Variants in SENP7 observed in about 807,000 individuals in gnomAD.
The protein encoded by SENP7 is SUMO specific peptidase 7, also known as sentrin-specific protease 7.
SENP7 carries 64 observed loss-of-function variants against 141.2 expected under a neutral mutation model. The ratio of observed to expected loss-of-function variants is 0.45; its 90% CI spans 0.37 to 0.56. SENP7 has a LOEUF of 0.56. Among genes scored for constraint, SENP7 ranks in the 20% least tolerant of loss-of-function variants. The pLI is 0.00. For missense variants in SENP7, 1,025 were observed against 1,212.2 expected (o/e 0.85, Z 2.29); for synonymous variants, 382 against 426.4 (o/e 0.90, Z 1.28).
At chr3:101,489,065 T>A (rs1415878996) in intron 3 of SENP7, among the ~76,000 whole-genome samples, 1 of 152,076 alleles carries the variant, frequency 6.6e-6, no homozygotes, top group Non-Finnish European at 1.5e-5. Flanking sequence ...CAGCCCAACA[T>A]TCATAAGTGA....
intron 6 of SENP7, among the ~76,000 whole-genome samples, chr3:101,389,933 A>G (rs1379097805): frequency 6.6e-6 from 1 of 152,192 alleles, no homozygotes; most frequent in East Asian, 1.9e-4. Flanking sequence ...AACTTGAAAT[A>G]TATGAGCCAG....
At chr3:101,484,551 G>C (rs1431461404) in intron 3 of SENP7, among the ~76,000 whole-genome samples, 1 of 152,166 alleles carries the variant, frequency 6.6e-6, no homozygotes, top group Non-Finnish European at 1.5e-5. Context: ...TCCAAATACT[G>C]TGAGTGCCCC....
At chr3:101,338,632 A>G (rs2059250271) in intron 16 of SENP7, among the ~76,000 whole-genome samples, 1 of 152,208 alleles carries the variant, frequency 6.6e-6, no homozygotes, top group African/African-American at 2.4e-5. Flanking sequence ...GTCCTCTTCA[A>G]GTATTCAGGA....
Position 101,512,220 on chromosome 3 carries a change from T to C in SENP7, c.40+871A>G, listed in dbSNP as rs2065890121. Among the ~76,000 whole-genome samples the C allele has an allele frequency of 2.0e-5, 3 of 152,224 alleles. No individual in the cohort carries two copies. In the South Asian group the frequency reaches 6.2e-4, roughly 31 times the overall value. On this transcript the variant is annotated intron_variant, in intron 1 of 23. Transcript: ENST00000394095. The stretch of plus-strand genomic sequence containing the variant: ...TTGATTCATTGGGCGTTCGTTTGTG[T>C]ACTGGACTGTAAGCATATGAGTCCT...
chr3:101,470,050 A>C (rs57412969), intron 3 of SENP7, among the ~76,000 whole-genome samples: 60,271 of 151,730 alleles, frequency 0.4, 12,477 homozygotes, highest in Admixed American at 0.54. Flanking sequence ...CACAACATAC[A>C]AGAATCTCTG....
intron 3 of SENP7, among the ~76,000 whole-genome samples, chr3:101,484,041 C>T (rs2064621929): frequency 6.6e-6 from 1 of 151,906 alleles, no homozygotes; most frequent in Non-Finnish European, 1.5e-5. Context: ...AAAAAATTAA[C>T]TCAAACTGGA....
chr3:101,461,348 A>G (rs1174283055), intron 3 of SENP7, among the ~76,000 whole-genome samples: 2 of 152,176 alleles, frequency 1.3e-5, no homozygotes, highest in African/African-American at 4.8e-5. Context: ...AAAAATATCA[A>G]TAACATTCTT....
intron 1 of SENP7, among the ~76,000 whole-genome samples, chr3:101,506,020 ATTT>A (rs61021808): frequency 1.4e-5 from 2 of 141,188 alleles, no homozygotes; most frequent in African/African-American, 2.6e-5. Context: ...TTATTCCATA[ATTT>A]TTTTTTTTTT....
chr3:101,360,932 A>C (rs2059879968), intron 11 of SENP7, among the ~76,000 whole-genome samples: 1 of 152,138 alleles, frequency 6.6e-6, no homozygotes, highest in Non-Finnish European at 1.5e-5. Context: ...GGCTGGGCAC[A>C]GTGGCTCACA....
intron 6 of SENP7, among the ~76,000 whole-genome samples, chr3:101,389,913 T>A (rs183610245): frequency 6.6e-6 from 1 of 152,120 alleles, no homozygotes; most frequent in African/African-American, 2.4e-5. Context: ...TGTAAAGGAA[T>A]TAAATTGCCA....
chr3:101,449,234 T>A (rs1350702568), intron 4 of SENP7, among the ~76,000 whole-genome samples: 2 of 152,144 alleles, frequency 1.3e-5, no homozygotes. Context: ...AAAGACCAAA[T>A]CTACGTCTGA....
chr3:101,395,287 G>A (rs1000196503), intron 6 of SENP7, among the ~76,000 whole-genome samples: 10 of 152,148 alleles, frequency 6.6e-5, no homozygotes, highest in African/African-American at 1.4e-4. Flanking sequence ...CAGGTCTTAC[G>A]TTTAAAGTAT....
intron 3 of SENP7, among the ~76,000 whole-genome samples, chr3:101,480,797 C>T (rs1334193116): frequency 1.1e-4 from 17 of 151,920 alleles, no homozygotes; most frequent in Admixed American, 9.2e-4. Context: ...CAACAAATCC[C>T]GTTAAACAGT....
At chr3:101,438,829 G>A (rs568065700) in intron 4 of SENP7, among the ~76,000 whole-genome samples, 15 of 152,152 alleles carry the variant, frequency 9.9e-5, no homozygotes, top group South Asian at 8.3e-4. Context: ...CCGCCGCGCC[G>A]GCGAGCGCCG....
At chr3:101,484,165 C>T (rs1243030031) in intron 3 of SENP7, among the ~76,000 whole-genome samples, 1 of 152,118 alleles carries the variant, frequency 6.6e-6, no homozygotes, top group Non-Finnish European at 1.5e-5. Flanking sequence ...ACCAAAGCCA[C>T]AATCCATGAA....
At chr3:101,428,179 TA>T (rs1467554783) in intron 4 of SENP7, among the ~76,000 whole-genome samples, 6 of 152,184 alleles carry the variant, frequency 3.9e-5, no homozygotes, top group African/African-American at 1.2e-4. Flanking sequence ...GTCTTTACAG[TA>T]GAATGATCTA....
chr3:101,354,742 G>A (rs1398074738), intron 11 of SENP7, among the ~76,000 whole-genome samples: 3 of 152,062 alleles, frequency 2.0e-5, no homozygotes, highest in Non-Finnish European at 2.9e-5. Flanking sequence ...ATATTTGTCT[G>A]GGTATAATAC....
intron 8 of SENP7, among the ~76,000 whole-genome samples, chr3:101,367,071 AT>A: frequency 6.6e-6 from 1 of 152,292 alleles, no homozygotes; most frequent in East Asian, 1.9e-4. Context: ...GAGAAGATGT[AT>A]TTACATATTT....
chr3:101,367,765 A>G (rs2107401418), intron 8 of SENP7, 65 bp downstream of exon 8: 6 of 1,042,732 alleles, frequency 5.8e-6, no homozygotes, highest in East Asian at 2.7e-5. Flanking sequence ...TTATTTGGCC[A>G]CAGTCAACTC....
Sources: allele counts gnomAD v4.1 joint callset (sites outside exome capture counted in the v4.1 genomes callset), GRCh38; gene constraint gnomAD v4.1.1; transcripts MANE v1.5; gene names NCBI Gene and HGNC (gene_info 2026-07-23, HGNC 2026-07-21).